The following PALM2AKAP2 variants were observed in gnomAD, a reference collection of about 807,000 sequenced individuals.
PALM2AKAP2 encodes PALM2 and AKAP2 fusion.
Under a neutral mutation model 71.5 loss-of-function variants are expected in PALM2AKAP2, and 37 were observed. That is an observed-to-expected ratio of 0.52 (90% CI 0.40 to 0.68). The LOEUF (loss-of-function observed/expected upper bound fraction) is 0.68, where lower values mean the gene tolerates loss of function less well. PALM2AKAP2 is among the 30% of genes least tolerant of loss of function. The pLI is 0.00. For synonymous variants in PALM2AKAP2, 468 were observed against 478.8 expected (o/e 0.98, Z 0.29); for missense variants, 1,224 against 1,191.8 (o/e 1.03, Z -0.40).
chr9:109,987,276 G>A (rs1195807812), intron 6 of PALM2AKAP2, among the ~76,000 whole-genome samples: 2 of 151,982 alleles, frequency 1.3e-5, no homozygotes, highest in Non-Finnish European at 2.9e-5. Context: ...GACTACAGGT[G>A]TGCGCCACCA....
At chr9:110,080,973 G>A (rs920640627) in intron 1 of PALM2AKAP2, among the ~76,000 whole-genome samples, 8 of 152,298 alleles carry the variant, frequency 5.3e-5, no homozygotes, top group Admixed American at 1.3e-4. Flanking sequence ...GAGGCACTGC[G>A]CCCAGCCAAA....
intron 1 of PALM2AKAP2, among the ~76,000 whole-genome samples, chr9:109,729,033 T>C (rs760628398): frequency 2.6e-5 from 4 of 152,240 alleles, no homozygotes; most frequent in Non-Finnish European, 2.9e-5. Flanking sequence ...TTTTGGTCTC[T>C]GTTGGCTGCT....
intron 1 of PALM2AKAP2, among the ~76,000 whole-genome samples, chr9:109,650,013 G>T (rs1827204250): frequency 6.6e-6 from 1 of 152,138 alleles, no homozygotes; most frequent in Non-Finnish European, 1.5e-5. Context: ...AAAGGTAATT[G>T]CTCTTTTCCT....
At chr9:109,828,389 T>A (rs1828211795) in intron 1 of PALM2AKAP2, among the ~76,000 whole-genome samples, 2 of 152,230 alleles carry the variant, frequency 1.3e-5, no homozygotes, top group African/African-American at 4.8e-5. Flanking sequence ...AGTGGGCATG[T>A]GTGTCTTCTC....
chr9:109,681,693 C>T (rs1827735869), intron 1 of PALM2AKAP2, among the ~76,000 whole-genome samples: 1 of 152,112 alleles, frequency 6.6e-6, no homozygotes, highest in Admixed American at 6.5e-5. Flanking sequence ...ATTTGAACTG[C>T]AGAGCGAAGT....
intron 3 of PALM2AKAP2, among the ~76,000 whole-genome samples, chr9:109,919,800 C>T (rs995605442): frequency 1.3e-5 from 2 of 150,670 alleles, no homozygotes; most frequent in African/African-American, 4.9e-5. Flanking sequence ...TTCTATTTGA[C>T]CTGTACCAGT....
chr9:109,722,654 C>T (rs750152535), intron 1 of PALM2AKAP2, among the ~76,000 whole-genome samples: 4 of 152,166 alleles, frequency 2.6e-5, no homozygotes, highest in Non-Finnish European at 4.4e-5. Flanking sequence ...CACCCGTAGA[C>T]CCAGCTTTTC....
chr9:110,123,324 G>GT (rs1835531097), intron 1 of PALM2AKAP2, among the ~76,000 whole-genome samples: 1 of 152,206 alleles, frequency 6.6e-6, no homozygotes, highest in African/African-American at 2.4e-5. Flanking sequence ...TTGGAGGGCT[G>GT]TGAGGGAAGG....
rs74901979 is a variant in PALM2AKAP2 at position 110,110,508 on chromosome 9, C to T, written c.157-25619C>T. Reference sequence around the variant, plus strand: ...AGACCTCTGGAGTCCTAGATGTGGACGTGGTGTTTATGGTGCATTCATGTT... The same window carrying T: ...AGACCTCTGGAGTCCTAGATGTGGATGTGGTGTTTATGGTGCATTCATGTT... On this transcript the variant is annotated intron_variant, in intron 1 of 3. Coordinates refer to ENST00000374525, the Ensembl canonical transcript of PALM2AKAP2. 8.1e-5 allele frequency among the ~76,000 whole-genome samples: 12 copies of T among 147,872 alleles called. No individual in the cohort carries two copies. In the East Asian group the frequency reaches 1.4e-3, roughly 17 times the overall value.
chr9:109,686,419 G>A (rs1276761040), intron 1 of PALM2AKAP2, among the ~76,000 whole-genome samples: 1 of 152,178 alleles, frequency 6.6e-6, no homozygotes, highest in African/African-American at 2.4e-5. Flanking sequence ...CATTGTGTTA[G>A]CAGGCATGAA....
At chr9:109,765,474 G>GATCATCATCATCATCATC (rs55668686) in intron 1 of PALM2AKAP2, 1 of 95,006 alleles carries the variant, frequency 1.1e-5, no homozygotes, top group Non-Finnish European at 1.9e-5. Flanking sequence ...TCATGATCAT[G>GATCATCATCATCATCATC]ATCATCATCA....
intron 7 of PALM2AKAP2, among the ~76,000 whole-genome samples, chr9:110,040,663 AT>A (rs200411986): frequency 2.6e-5 from 4 of 152,064 alleles, no homozygotes; most frequent in Non-Finnish European, 5.9e-5. Context: ...TTACAGTCGT[AT>A]TTTTTTTAAC....
intron 3 of PALM2AKAP2, among the ~76,000 whole-genome samples, chr9:109,892,802 A>C (rs1830116479): frequency 6.6e-6 from 1 of 152,112 alleles, no homozygotes; most frequent in African/African-American, 2.4e-5. Flanking sequence ...ATAATAATAA[A>C]GATCAACTTT....
chr9:110,162,477 G>A (rs1836626160), intron 3 of PALM2AKAP2, among the ~76,000 whole-genome samples: 1 of 152,184 alleles, frequency 6.6e-6, no homozygotes, highest in Admixed American at 6.5e-5. Flanking sequence ...TTAATAGCAA[G>A]TATACTTGGC....
intron 1 of PALM2AKAP2, among the ~76,000 whole-genome samples, chr9:110,087,725 C>T (rs930777206): frequency 6.6e-6 from 1 of 152,184 alleles, no homozygotes; most frequent in African/African-American, 2.4e-5. Context: ...TTCATTGACT[C>T]AACAAATATT....
At chr9:109,657,888 G>A (rs940582859) in intron 1 of PALM2AKAP2, among the ~76,000 whole-genome samples, 1 of 151,474 alleles carries the variant, frequency 6.6e-6, no homozygotes, top group African/African-American at 2.4e-5. Context: ...ATGAGAAAGG[G>A]TCAGACTTGG....
exon 2 of PALM2AKAP2, chr9:110,136,380 A>T: frequency 1.9e-6 from 3 of 1,614,152 alleles, no homozygotes; most frequent in Non-Finnish European, 8.5e-7. Flanking sequence ...CTGGATAATG[A>T]TGTTGCCAGA....
intron 1 of PALM2AKAP2, among the ~76,000 whole-genome samples, chr9:110,081,321 C>A (rs1834443823): frequency 6.6e-6 from 1 of 152,124 alleles, no homozygotes; most frequent in Non-Finnish European, 1.5e-5. Flanking sequence ...CAACTCGCAC[C>A]AGAGCATTTC....
chr9:110,019,364 T>C (rs1188628307), intron 7 of PALM2AKAP2, among the ~76,000 whole-genome samples: 3 of 152,010 alleles, frequency 2.0e-5, no homozygotes, highest in Non-Finnish European at 4.4e-5. Context: ...ACACTGTTGG[T>C]AGCAATGTAA....
Sources: allele counts gnomAD v4.1 joint callset (sites outside exome capture counted in the v4.1 genomes callset), GRCh38; gene constraint gnomAD v4.1.1; transcripts MANE v1.5; gene names NCBI Gene and HGNC (gene_info 2026-07-23, HGNC 2026-07-21).